ST7: variants seen among roughly 807,000 people sequenced by gnomAD.
The protein encoded by ST7 is suppression of tumorigenicity 7.
In ST7, 28 loss-of-function variants were observed where a neutral mutation model predicts 78.7. The ratio of observed to expected loss-of-function variants is 0.36; its 90% confidence interval spans 0.26 to 0.49. ST7 has a LOEUF of 0.49. Among genes scored for constraint, ST7 ranks in the 20% least tolerant of loss-of-function variants. The pLI, the probability that ST7 is intolerant of heterozygous loss-of-function variation, is 0.99. For missense variants in ST7, 418 were observed against 696.0 expected, an observed-to-expected ratio of 0.60 and a Z score of 4.49; for synonymous variants, 247 against 249.6, an observed-to-expected ratio of 0.99 and a Z score of 0.10.
chr7:117,219,247 C>T lies in ST7; in HGVS notation c.1498+71C>T. On this transcript the variant is annotated intron_variant, in intron 14 of 15. Coordinates refer to ENST00000323984, the MANE Select transcript of ST7 (RefSeq NM_001369598.1). This position sits in a 1 kb window ranked among gnomAD's most constrained non-coding sequence, Gnocchi z 5.1. ...TGGGGATTGGAAGAGGTGGGAATAT[C>T]AAAGTTTAGAATGCTCCTTGTCTTT... 1 of 1,254,990 alleles carries T rather than the reference C, an allele frequency of 8.0e-7. No individual in the cohort carries two copies. Among genetic ancestry groups the T allele is most frequent in the Non-Finnish European group, 1.1e-6 (1 of 882,760 alleles). The allele number at this position is 1,254,990 out of a possible 1,614,324, so 77.7% of individuals were successfully genotyped here. A position where few individuals can be genotyped will look rare whatever the true frequency, so the allele number is the denominator to read the frequency against.
intron 12 of ST7, among the ~76,000 whole-genome samples, chr7:117,197,035 T>G (rs1227032935): frequency 6.6e-6 from 1 of 152,154 alleles, no homozygotes; most frequent in Non-Finnish European, 1.5e-5. Flanking sequence ...TTCTTCCCTC[T>G]TTCCCACCCG....
chr7:116,955,765 T>C (rs1312610891), intron 1 of ST7, among the ~76,000 whole-genome samples: 2 of 152,332 alleles, frequency 1.3e-5, no homozygotes, highest in Admixed American at 6.5e-5. Flanking sequence ...AATGTGTACT[T>C]CTTAAGGAAG....
In ST7 at chr7:117,170,851, T is replaced by C. The variant is rs1326048278; in HGVS notation, c.964-11T>C. 3 of 1,498,362 alleles carry C rather than the reference T, an allele frequency of 2.0e-6. No homozygotes were observed. The highest frequency in any genetic ancestry group is 1.3e-5 in the South Asian group (1 of 79,274). The allele number at this position is 1,498,362 out of a possible 1,614,324, so 92.8% of individuals were successfully genotyped here. A position where few individuals can be genotyped will look rare whatever the true frequency, so the allele number is the denominator to read the frequency against. Reference sequence around the variant, plus strand: ...AATATACTAATTATTCCTTGGTTTCTTCTGCCCTAGTTAATGAAGGAGTTC... The same window carrying C: ...AATATACTAATTATTCCTTGGTTTCCTCTGCCCTAGTTAATGAAGGAGTTC... On this transcript the variant is annotated splice_polypyrimidine_tract_variant and intron_variant, in intron 9 of 15. Coordinates refer to ENST00000323984, the MANE Select transcript of ST7 (RefSeq NM_001369598.1).
intron 12 of ST7, among the ~76,000 whole-genome samples, chr7:117,195,245 A>G (rs756476907): frequency 1.6e-4 from 25 of 152,124 alleles, no homozygotes; most frequent in Admixed American, 5.2e-4. Flanking sequence ...TCAGATTTTC[A>G]GAGTTCTTTA....
In ST7 at chr7:117,109,369, C is replaced by T. The variant is rs531891267; in HGVS notation, c.234+9525C>T. ...AGATCCAAATAAGCTCAATTAGAAACGAAATAGGAGATATTACAACTGATA... is the reference window on the plus strand; with the variant it reads ...AGATCCAAATAAGCTCAATTAGAAATGAAATAGGAGATATTACAACTGATA... On this transcript the variant is annotated intron_variant, in intron 2 of 15. Coordinates refer to ENST00000323984, the MANE Select transcript of ST7 (RefSeq NM_001369598.1). Among the ~76,000 whole-genome samples the T allele has an allele frequency of 3.5e-3, 532 of 152,076 alleles. 34 individuals are homozygous for T. In the South Asian group the frequency reaches 0.1, roughly 29 times the overall value.
intron 8 of ST7, chr7:117,136,706 A>G (rs1036630021): frequency 6.1e-6 from 1 of 163,208 alleles, no homozygotes; most frequent in Non-Finnish European, 1.3e-5. Context: ...TCTCTTACAT[A>G]AGAAACATTG....
chr7:117,196,624 C>CTTTTTTTT lies in ST7; in HGVS notation c.1254+5708_1254+5715dup, dbSNP rs56133709. On this transcript the variant is annotated intron_variant, in intron 12 of 15. Coordinates refer to ENST00000323984, the MANE Select transcript of ST7 (RefSeq NM_001369598.1). Reference sequence around the variant, plus strand: ...TAAATCAGATAATCAGATTGTTGGGCTTTTTTTTTTTTTTTTTTTTTTTTT... The same window carrying CTTTTTTTT: ...TAAATCAGATAATCAGATTGTTGGGCTTTTTTTTTTTTTTTTTTTTTTTTTTTTTTTTT... Among the ~76,000 whole-genome samples the CTTTTTTTT allele has an allele frequency of 7.6e-4, 45 of 59,518 alleles. 1 individual carries two copies. The highest frequency in any genetic ancestry group is 1.1e-3 in the African/African-American group (17 of 15,382). The allele number at this position is 59,518 out of a possible 152,430, so 39.0% of individuals were successfully genotyped here. A position where few individuals can be genotyped will look rare whatever the true frequency, so the allele number is the denominator to read the frequency against.
At chr7:117,096,578 G>T (rs1342370263) in intron 1 of ST7, among the ~76,000 whole-genome samples, 1 of 152,226 alleles carries the variant, frequency 6.6e-6, no homozygotes, top group African/African-American at 2.4e-5. Context: ...CTTGGGGGCA[G>T]GTTGACTGGC....
At chr7:117,073,834 G>C (rs770544264) in intron 1 of ST7, 10 of 152,178 alleles carry the variant, frequency 6.6e-5, no homozygotes, top group Non-Finnish European at 1.2e-4. Context: ...CCAGCTTCCA[G>C]GAATCAGGAA....
intron 1 of ST7, chr7:117,098,477 C>CCCAGG (rs1425570567): frequency 5.6e-6 from 1 of 177,246 alleles, no homozygotes; most frequent in Non-Finnish European, 1.2e-5. Context: ...AAATCCTACA[C>CCCAGG]CCAGGACCAA....
chr7:117,138,368 G>A lies in ST7; in HGVS notation c.866-67G>A, dbSNP rs939134215. 4.6e-6 allele frequency: 5 copies of A among 1,080,134 alleles called. No individual in the cohort carries two copies. In the Admixed American group the frequency reaches 1.3e-4, roughly 27 times the overall value. The allele number at this position is 1,080,134 out of a possible 1,614,324, so 66.9% of individuals were successfully genotyped here. ...AGTGCTATGAAAATTTCCTTTAGGG[G>A]CAAGGCAAATGGGCCTCTGTATTTT... is the stretch of plus-strand genomic sequence containing the variant. On this transcript the variant is annotated intron_variant, in intron 8 of 15. Coordinates refer to ENST00000323984, the MANE Select transcript of ST7 (RefSeq NM_001369598.1).
intron 1 of ST7, among the ~76,000 whole-genome samples, chr7:117,031,253 C>T (rs984071475): frequency 1.7e-4 from 25 of 151,414 alleles, no homozygotes; most frequent in African/African-American, 5.3e-4. Context: ...TTGGGTACTG[C>T]GCTTATTACT....
chr7:116,959,796 A>G (rs1027362371), intron 1 of ST7: 2 of 152,236 alleles, frequency 1.3e-5, no homozygotes, highest in African/African-American at 4.8e-5. Context: ...TCAGCCATTA[A>G]TAAAGCAATC....
intron 1 of ST7, chr7:117,076,476 G>A (rs1032931438): frequency 6.6e-6 from 1 of 152,262 alleles, no homozygotes; most frequent in Non-Finnish European, 1.5e-5. Flanking sequence ...TCTCGCAACA[G>A]GTGCCTTGTT....
At chr7:117,095,181 C>T (rs910219046) in intron 1 of ST7, among the ~76,000 whole-genome samples, 1 of 152,054 alleles carries the variant, frequency 6.6e-6, no homozygotes, top group African/African-American at 2.4e-5. Context: ...GAGTGTAATA[C>T]GGGGGTTGCT....
At chr7:117,057,068 A>G (rs940682033) in intron 1 of ST7, among the ~76,000 whole-genome samples, 2 of 152,174 alleles carry the variant, frequency 1.3e-5, no homozygotes, top group Non-Finnish European at 2.9e-5. Flanking sequence ...CTAAAGCTGT[A>G]GATTTAGTTT....
At chr7:117,128,773 G>A (rs1804085070) in intron 3 of ST7, among the ~76,000 whole-genome samples, 1 of 151,814 alleles carries the variant, frequency 6.6e-6, no homozygotes, top group Non-Finnish European at 1.5e-5. Flanking sequence ...GATGTTGAAT[G>A]TACAGGACTG....
chr7:117,145,983 T>G (rs1266640370), intron 9 of ST7: 1 of 152,194 alleles, frequency 6.6e-6, no homozygotes, highest in East Asian at 1.9e-4. Flanking sequence ...CCTTGTGTCC[T>G]TTCTGCATTT....
At chr7:116,959,748 A>G (rs1011948447) in intron 1 of ST7, 1 of 152,212 alleles carries the variant, frequency 6.6e-6, no homozygotes, top group African/African-American at 2.4e-5. Flanking sequence ...TATCCCAGAC[A>G]TCTTAGTTGC....
Sources: gnomAD v4.1 joint callset for allele counts (sites outside exome capture counted in the v4.1 genomes callset) on GRCh38, gnomAD v4.1.1 for gene constraint, Gnocchi (gnomAD v3.1) non-coding constraint, MANE v1.5 for transcripts, NCBI Gene and HGNC (gene_info 2026-07-23, HGNC 2026-07-21) for gene names.